Variants in INPP5F observed in about 807,000 individuals in gnomAD.
The protein encoded by INPP5F is inositol polyphosphate-5-phosphatase F.
In INPP5F, 97 loss-of-function variants were observed where a neutral mutation model predicts 137.2. The observed-to-expected ratio is 0.71, with a 90% confidence interval of 0.60 to 0.84. The LOEUF (loss-of-function observed/expected upper bound fraction) is 0.84, where lower values mean the gene tolerates loss of function less well. Among genes scored for constraint, INPP5F ranks in the 40% least tolerant of loss-of-function variants. INPP5F has a pLI of 0.00. For synonymous variants in INPP5F, 504 were observed against 476.9 expected (o/e 1.06, Z -0.74); for missense variants, 1,271 against 1,371.9 (o/e 0.93, Z 1.16).
chr10:119,771,879 T>C (rs1477379417), intron 2 of INPP5F, among the ~76,000 whole-genome samples: 3 of 20,022 alleles, frequency 1.5e-4, no homozygotes, highest in African/African-American at 2.1e-4. Context: ...TATATATATA[T>C]ATATTTTTTT....
intron 15 of INPP5F, among the ~76,000 whole-genome samples, chr10:119,817,561 TG>T (rs1235478000): frequency 6.6e-6 from 1 of 152,218 alleles, no homozygotes; most frequent in African/African-American, 2.4e-5. Flanking sequence ...TATCTCATTG[TG>T]GTTTTGATTT....
chr10:119,825,228 C>T (rs1851712259), intron 19 of INPP5F, among the ~76,000 whole-genome samples: 1 of 152,068 alleles, frequency 6.6e-6, no homozygotes, highest in Non-Finnish European at 1.5e-5. Flanking sequence ...ATTACTTTTT[C>T]ATGTTTAGGA....
intron 1 of INPP5F, among the ~76,000 whole-genome samples, chr10:119,734,281 G>A (rs187855903): frequency 7.2e-5 from 11 of 152,254 alleles, no homozygotes; most frequent in African/African-American, 2.4e-4. Flanking sequence ...AGATAATACT[G>A]GACTACTGGA....
intron 1 of INPP5F, among the ~76,000 whole-genome samples, chr10:119,727,314 A>G (rs1847922895): frequency 6.6e-6 from 1 of 152,282 alleles, no homozygotes; most frequent in Non-Finnish European, 1.5e-5. Flanking sequence ...GAAGGATTAC[A>G]TGATATGAAT....
chr10:119,733,504 T>C (rs1848144224), intron 1 of INPP5F, among the ~76,000 whole-genome samples: 1 of 152,220 alleles, frequency 6.6e-6, no homozygotes, highest in Admixed American at 6.5e-5. Flanking sequence ...TTTCTCAGTG[T>C]AGCTTTTCAA....
chr10:119,775,565 T>C (rs1479561429), intron 2 of INPP5F, among the ~76,000 whole-genome samples: 1 of 152,182 alleles, frequency 6.6e-6, no homozygotes, highest in African/African-American at 2.4e-5. Context: ...GTGCCCAGCC[T>C]CAAATAGAAT....
At chr10:119,798,512 G>GA (rs1354648416) in intron 8 of INPP5F, 31 bp from the exon 9 acceptor site, 4 of 1,553,868 alleles carry the variant, frequency 2.6e-6, no homozygotes, top group African/African-American at 1.4e-5. Context: ...ACATGGGAAG[G>GA]AAAAAAAGAT....
chr10:119,773,542 G>A (rs1269493788), intron 2 of INPP5F, among the ~76,000 whole-genome samples: 1 of 152,012 alleles, frequency 6.6e-6, no homozygotes, highest in East Asian at 1.9e-4. Context: ...AGTGTTTATT[G>A]TTTCCATTTA....
At position 119,797,657 on chromosome 10, in the gene INPP5F, T is replaced by C. The variant is rs1333997968; in HGVS notation, c.1048+17T>C. On this transcript the variant is annotated intron_variant, in intron 8 of 19. Transcript: ENST00000650623. ...TGGACAGAAGTAAGCAGGTCAATTA[T>C]TGGGTTTGCAAATGATGATTTCAGA... The C allele has an allele frequency of 2.4e-5, 37 of 1,571,156 alleles. No homozygotes were observed. The highest frequency in any genetic ancestry group is 6.8e-5 in the East Asian group (3 of 44,050).
intron 3 of INPP5F, among the ~76,000 whole-genome samples, chr10:119,782,963 C>T (rs891159674): frequency 6.6e-6 from 1 of 152,140 alleles, no homozygotes; most frequent in Admixed American, 6.5e-5. Flanking sequence ...TCAAATGTCA[C>T]TGGAAGTTTG....
At chr10:119,757,559 A>T (rs1848885863) in intron 2 of INPP5F, among the ~76,000 whole-genome samples, 1 of 152,016 alleles carries the variant, frequency 6.6e-6, no homozygotes, top group African/African-American at 2.4e-5. Context: ...TGGGAGGCTG[A>T]GGCAGGTAGG....
rs971562791 is a variant in INPP5F, at chr10:119,748,287, C to T, written c.98-2789C>T. On this transcript the variant is annotated intron_variant, in intron 1 of 19. Coordinates refer to ENST00000650623, the MANE Select transcript of INPP5F (RefSeq NM_014937.4). This position sits in a 1 kb window ranked among gnomAD's most constrained non-coding sequence, Gnocchi z 4.7. ...AGGTACTGGGGAATGCAGTGATGCC[C>T]GGAAGCTTGGAGATGCCAGGAACTG... Among the ~76,000 whole-genome samples the T allele has an allele frequency of 2.0e-5, 3 of 152,182 alleles. No individual in the cohort carries two copies. The highest frequency in any genetic ancestry group is 2.4e-5 in the African/African-American group (1 of 41,438).
At chr10:119,822,877 G>T (rs544844138) in intron 17 of INPP5F, among the ~76,000 whole-genome samples, 194 bp from the exon 18 acceptor site, 1 of 152,246 alleles carries the variant, frequency 6.6e-6, no homozygotes, top group African/African-American at 2.4e-5. Flanking sequence ...GATTACCCCA[G>T]GGATCAAGAA....
intron 6 of INPP5F, 31 bp downstream of exon 6, chr10:119,792,244 G>A (rs752048480): frequency 6.7e-6 from 10 of 1,495,814 alleles, no homozygotes; most frequent in East Asian, 4.5e-5. Flanking sequence ...TTTCCTAACC[G>A]TAATGAAATT....
At chr10:119,796,048 G>C (rs1012395252) in intron 6 of INPP5F, among the ~76,000 whole-genome samples, 5 of 148,368 alleles carry the variant, frequency 3.4e-5, no homozygotes, top group Non-Finnish European at 7.5e-5. Flanking sequence ...GCTTCGGCTG[G>C]GCATCAGAGG....
chr10:119,826,394 TTC>T (rs1275460275), intron 19 of INPP5F, among the ~76,000 whole-genome samples: 1 of 152,250 alleles, frequency 6.6e-6, no homozygotes, highest in Non-Finnish European at 1.5e-5. Flanking sequence ...TGCTGCTAAT[TTC>T]ACTGCTGCTT....
At chr10:119,807,028 T>G (rs899594142) in intron 12 of INPP5F, among the ~76,000 whole-genome samples, 1 of 152,080 alleles carries the variant, frequency 6.6e-6, no homozygotes, top group Non-Finnish European at 1.5e-5. Context: ...CCAAGCACTT[T>G]GGGAGGCTGA....
At chr10:119,747,943 G>T (rs1218639497) in intron 1 of INPP5F, among the ~76,000 whole-genome samples, 7 of 152,228 alleles carry the variant, frequency 4.6e-5, no homozygotes, top group Admixed American at 4.6e-4. Context: ...GATCCTTAGG[G>T]TGTTGCTTTT....
chr10:119,747,440 A>G (rs1362201258), intron 1 of INPP5F, among the ~76,000 whole-genome samples: 1 of 152,010 alleles, frequency 6.6e-6, no homozygotes, highest in Admixed American at 6.6e-5. Context: ...GGCCAGGCTG[A>G]ACTCCTGGCC....
Sources: gnomAD v4.1 joint callset for allele counts (sites outside exome capture counted in the v4.1 genomes callset) on GRCh38, gnomAD v4.1.1 for gene constraint, Gnocchi (gnomAD v3.1) non-coding constraint, MANE v1.5 for transcripts, NCBI Gene and HGNC (gene_info 2026-07-23, HGNC 2026-07-21) for gene names.